OTOF: variants seen among roughly 807,000 people sequenced by gnomAD.
The protein encoded by OTOF is otoferlin.
In OTOF, 218 loss-of-function variants were observed where a neutral mutation model predicts 236.8. The ratio of observed to expected loss-of-function variants is 0.92; its 90% CI spans 0.82 to 1.03. The LOEUF is 1.03. Among genes scored for constraint, OTOF ranks in the 50% least tolerant of loss-of-function variants. The pLI, the probability that OTOF is intolerant of heterozygous loss-of-function variation, is 0.00. For missense variants in OTOF, 2,590 were observed against 2,694.4 expected (o/e 0.96, Z 0.86); for synonymous variants, 1,041 against 1,072.5 (o/e 0.97, Z 0.57).
intron 2 of OTOF, among the ~76,000 whole-genome samples, chr2:26,532,271 A>G (rs961165456): frequency 3.3e-5 from 5 of 152,110 alleles, no homozygotes; most frequent in African/African-American, 1.2e-4. Flanking sequence ...GCCCGCGGGC[A>G]CAAGGCTGGT....
chr2:26,489,092 C>T (rs1665770123), intron 11 of OTOF, 119 bp downstream of exon 11: 5 of 752,528 alleles, frequency 6.6e-6, no homozygotes, highest in South Asian at 4.4e-5. Flanking sequence ...TACTAACAGT[C>T]GCCAGACTGT....
chr2:26,481,831 T>C (rs1469065042), intron 14 of OTOF, among the ~76,000 whole-genome samples: 1 of 152,202 alleles, frequency 6.6e-6, no homozygotes, highest in Admixed American at 6.5e-5. Flanking sequence ...TTCACATACA[T>C]GGATCAGACA....
intron 6 of OTOF, 52 bp from the exon 7 acceptor site, chr2:26,502,478 AC>A (rs1398924162): frequency 1.3e-6 from 2 of 1,579,980 alleles, no homozygotes; most frequent in Non-Finnish European, 1.7e-6. Context: ...TGAGATAGTG[AC>A]CATTTCTCCT....
Position 26,467,411 on chromosome 2 carries a change from C to T in OTOF, c.4181G>A (p.Gly1394Glu), listed in dbSNP as rs746748203. 2 of 1,613,934 alleles carry T rather than the reference C, an allele frequency of 1.2e-6. No homozygotes were observed. The highest frequency in any genetic ancestry group is 1.1e-5 in the South Asian group (1 of 91,062). The change falls in exon 34 of 47, where the codon GGG (glycine) becomes GAG (glutamate). Residue 1394 changes from glycine to glutamate, a missense_variant. By Grantham distance (98) the Gly-to-Glu change is moderately conservative (BLOSUM62 -2). Coordinates refer to ENST00000272371, the MANE Select transcript of OTOF (RefSeq NM_194248.3). ...KKTQSSGSGQ[G>E]SEAPEKKKPK... ...TTTCTTCTTCTCGGGGGCCTCGGAC[C>T]CCTGGCCAGAGCCAGAGCTCTGAGT... is the stretch of plus-strand genomic sequence containing the variant.
At chr2:26,522,982 G>T (rs536060581) in intron 3 of OTOF, among the ~76,000 whole-genome samples, 2 of 152,350 alleles carry the variant, frequency 1.3e-5, no homozygotes, top group East Asian at 3.9e-4. Context: ...GCAGGAAAAG[G>T]CCTCCAGCCC....
At chr2:26,467,018 T>A in intron 35 of OTOF, 81 bp downstream of exon 35, 1 of 1,481,192 alleles carries the variant, frequency 6.8e-7, no homozygotes, top group Non-Finnish European at 9.2e-7. Context: ...GCCGGGGCAG[T>A]GGTGGGAGGT....
intron 5 of OTOF, chr2:26,510,809 G>A (rs7582117): frequency 0.13 from 149,475 of 1,154,232 alleles, 13,020 homozygotes; most frequent in East Asian, 0.5. Flanking sequence ...GTGGACCAGA[G>A]ACACTGGCCT....
intron 14 of OTOF, 79 bp downstream of exon 14, chr2:26,482,327 A>G: frequency 1.5e-6 from 2 of 1,349,548 alleles, no homozygotes; most frequent in Non-Finnish European, 2.1e-6. Flanking sequence ...CGGTGGTGTG[A>G]AGAGAGGGCA....
chr2:26,473,399 C>A lies in OTOF; in HGVS notation c.3570+7G>T. ...ACAGGATGTCCTCCGCCAGGGCCTG[C>A]ACTCACCACTTCAAACCACTTGACG... is the stretch of plus-strand genomic sequence containing the variant. On this transcript the variant is annotated splice_region_variant and intron_variant, in intron 28 of 46. Coordinates refer to ENST00000272371, the MANE Select transcript of OTOF (RefSeq NM_194248.3). This position sits in a 1 kb window ranked among gnomAD's most constrained non-coding sequence, Gnocchi z 7.2. 1 of 1,613,382 alleles carries A rather than the reference C, an allele frequency of 6.2e-7. No homozygotes were observed. The highest frequency in any genetic ancestry group is 8.5e-7 in the Non-Finnish European group (1 of 1,179,990).
intron 5 of OTOF, among the ~76,000 whole-genome samples, chr2:26,514,755 G>A (rs1314017864): frequency 6.6e-6 from 1 of 152,156 alleles, no homozygotes; most frequent in African/African-American, 2.4e-5. Context: ...GGGACTTAAT[G>A]GGCCTTAGCT....
At position 26,475,261 on chromosome 2, in the gene OTOF, G is replaced by A; in HGVS notation, c.3126+98C>T. On this transcript the variant is annotated intron_variant, in intron 25 of 46. Transcript: ENST00000272371. The stretch of plus-strand genomic sequence containing the variant: ...TGGCCAAGGAGCTCTGCAGGTGGGT[G>A]GCGGAGGTGAGGGCACAGCCTCAGC... The A allele has an allele frequency of 2.2e-6, 3 of 1,365,448 alleles. 1 individual carries two copies. The highest frequency in any genetic ancestry group is 3.1e-6 in the Non-Finnish European group (3 of 959,184). 84.6% of individuals were successfully genotyped at this position (1,365,448 alleles called of 1,614,324 possible).
rs936909827 is a variant in OTOF, at chr2:26,458,233, A to G, written c.*18-13T>C. ...CGTGTCGGGCCGGCTGGGAAGTGGA[A>G]GAGAGGAGCCGGTCAGCCAGTGGGC... On this transcript the variant is annotated splice_polypyrimidine_tract_variant and intron_variant, in intron 46 of 46. Coordinates refer to ENST00000272371, the MANE Select transcript of OTOF (RefSeq NM_194248.3). 1 of 1,564,840 alleles carries G rather than the reference A, an allele frequency of 6.4e-7. No homozygotes were observed. The highest frequency in any genetic ancestry group is 8.7e-7 in the Non-Finnish European group (1 of 1,154,830).
chr2:26,468,625 T>C (rs781230624), intron 32 of OTOF, 151 bp from the exon 33 acceptor site: 2 of 732,006 alleles, frequency 2.7e-6, no homozygotes, highest in Non-Finnish European at 5.0e-6. Context: ...TCTGCTTAAG[T>C]GGGTTAAAAA....
intron 12 of OTOF, 90 bp downstream of exon 12, chr2:26,484,384 G>A (rs1360804637): frequency 7.4e-7 from 1 of 1,356,794 alleles, no homozygotes; most frequent in African/African-American, 1.4e-5. Flanking sequence ...GAGACGGGTG[G>A]CAGGTGCTCT....
rs1336584214 is a variant in OTOF, at chr2:26,477,342, T to C, written c.2407-54A>G. 3 of 1,592,382 alleles carry C rather than the reference T, an allele frequency of 1.9e-6. No individual in the cohort carries two copies. The highest frequency in any genetic ancestry group is 1.1e-5 in the South Asian group (1 of 88,658). On this transcript the variant is annotated intron_variant, in intron 20 of 46. Coordinates refer to ENST00000272371, the MANE Select transcript of OTOF (RefSeq NM_194248.3). This position sits in a 1 kb window ranked among gnomAD's most constrained non-coding sequence, Gnocchi z 4.7. ...AGCAACTGGGGGACAGCTCGGGCCA[T>C]GACAAAGGGGGTTGTGACACCTTCT...
Position 26,460,394 on chromosome 2 carries a change from G to C in OTOF, c.5814-189C>G, listed in dbSNP as rs551308124. Among the ~76,000 whole-genome samples, 1 of 152,348 alleles carries C rather than the reference G, an allele frequency of 6.6e-6. No individual in the cohort carries two copies. The highest frequency in any genetic ancestry group is 2.4e-5 in the African/African-American group (1 of 41,572). On this transcript the variant is annotated intron_variant, in intron 45 of 46. Transcript: ENST00000272371. The surrounding 1 kb of genome is among the most constrained non-coding windows in gnomAD (Gnocchi z 5.3). ...GAGCTGGCTCTTCTGCAAAAGCTAG[G>C]AAGGGAAGAGCATAGTTTCTCTCCG...
At chr2:26,543,534 T>C (rs1309859693) in intron 1 of OTOF, among the ~76,000 whole-genome samples, 2 of 152,218 alleles carry the variant, frequency 1.3e-5, no homozygotes, top group Admixed American at 6.5e-5. Flanking sequence ...AAATCCCAGC[T>C]GCCTCTTCCT....
At chr2:26,471,617 CT>C (rs1275714594) in intron 30 of OTOF, among the ~76,000 whole-genome samples, 2 of 152,206 alleles carry the variant, frequency 1.3e-5, no homozygotes, top group Non-Finnish European at 2.9e-5. Context: ...CACTGATGAT[CT>C]CATAAGGAAT....
chr2:26,480,815 G>C lies in OTOF; in HGVS notation c.1774C>G (p.Gln592Glu), dbSNP rs1382617518. ...NPELTSSTEV[Q>E]VEQATPISES... is the part of the protein sequence containing the mutation. ...GAGATGGGCGTGGCCTGCTCCACCTGCACCTCTGTGGAGCTGGTGAGCTCA... is the reference window on the plus strand; with the variant it reads ...GAGATGGGCGTGGCCTGCTCCACCTCCACCTCTGTGGAGCTGGTGAGCTCA... Residue 592 changes from glutamine to glutamate, a missense_variant, in exon 15 of 47, where the codon CAG becomes GAG. Gln to Glu is a conservative substitution (Grantham distance 29). This residue lies in a region of OTOF where 1,379 missense variants were observed against 1,341.6 expected (regional missense o/e 1.03). Transcript: ENST00000272371. The C allele has an allele frequency of 6.2e-7, 1 of 1,612,500 alleles. No homozygotes were observed. The highest frequency in any genetic ancestry group is 2.2e-5 in the East Asian group (1 of 44,860).
Sources: gnomAD v4.1 joint callset for allele counts (sites outside exome capture counted in the v4.1 genomes callset) on GRCh38, gnomAD v4.1.1 for gene constraint, gnomAD v4.1.1 regional missense constraint, Gnocchi (gnomAD v3.1) non-coding constraint, MANE v1.5 for transcripts, NCBI Gene and HGNC (gene_info 2026-07-23, HGNC 2026-07-21) for gene names.